TRIP11: variants seen among roughly 807,000 people sequenced by gnomAD.
The protein encoded by TRIP11 is thyroid receptor-interacting protein 11.
A neutral mutation model predicts 223.1 loss-of-function variants in TRIP11; 148 were observed. The ratio of observed to expected loss-of-function variants is 0.66; its 90% CI spans 0.58 to 0.76. TRIP11 has a LOEUF of 0.76. TRIP11 is among the 30% of genes least tolerant of loss of function. The pLI is 0.00. For missense variants in TRIP11, 2,043 were observed against 2,222.0 expected (o/e 0.92, Z 1.62); for synonymous variants, 762 against 772.6 (o/e 0.99, Z 0.23).
rs4530066 is a variant in TRIP11, at chr14:92,014,167, A to C, written c.1186+48T>G. The C allele has an allele frequency of 9.9e-3, 15,954 of 1,612,084 alleles. 748 individuals carry two copies. The African/African-American group carries it at 0.12, about 12-fold the overall frequency. On this transcript the variant is annotated intron_variant, in intron 7 of 20. Transcript: ENST00000267622. The stretch of plus-strand genomic sequence containing the variant: ...GAAGCATCTGTCTCTAAAAACAACT[A>C]CTATGCAATGAAACAGCAATCTGAA...
At chr14:91,981,272 T>A (rs942990889) in intron 16 of TRIP11, among the ~76,000 whole-genome samples, 6 of 151,424 alleles carry the variant, frequency 4.0e-5, no homozygotes, top group Non-Finnish European at 5.9e-5. Flanking sequence ...CACCTCAGCC[T>A]CCCAAAGTGC....
rs541929543 is a variant in TRIP11, at chr14:91,969,629, A to G, written c.*44T>C. 1.3e-6 allele frequency: 2 copies of G among 1,592,486 alleles called. No homozygotes were observed. Among genetic ancestry groups the G allele is most frequent in the African/African-American group, 2.7e-5 (2 of 74,610 alleles). ...GATAAAGTACATACATATAGTGTTCATGGTTTCTTTAAAGTGCTAGATTGT... is the reference window on the plus strand; with the variant it reads ...GATAAAGTACATACATATAGTGTTCGTGGTTTCTTTAAAGTGCTAGATTGT... On this transcript the variant is annotated 3_prime_UTR_variant, in exon 21 of 21. Transcript: ENST00000267622.
At chr14:92,008,622 G>A (rs995250622) in intron 9 of TRIP11, among the ~76,000 whole-genome samples, 2 of 152,168 alleles carry the variant, frequency 1.3e-5, no homozygotes, top group East Asian at 3.8e-4. Context: ...CTCTAGTTAT[G>A]ATGTTTGTAA....
rs1443972357 is a variant in TRIP11, at chr14:92,004,253, C to G, written c.3723G>C (p.Gln1241His). The change falls in exon 11 of 21, where the codon CAG becomes CAC. Residue 1241 changes from glutamine (Q) to histidine (H), a missense_variant. Gln to His is a conservative substitution (Grantham distance 24). Transcript: ENST00000267622. Reference protein sequence around the residue: ...TVQNMQHESAQLQEELHQLQA... With the variant: ...TVQNMQHESAHLQEELHQLQA... ...GAAGTTGGTGAAGCTCTTCCTGAAG[C>G]TGGGCTGACTCGTGTTGCATATTTT... The G allele has an allele frequency of 6.2e-7, 1 of 1,614,126 alleles. No homozygotes were observed.
rs564098716 is a variant in TRIP11, at chr14:91,981,012, ATTTTTTTT to A, written c.5261-4831_5261-4824del. Among the ~76,000 whole-genome samples the A allele has an allele frequency of 1.4e-3, 72 of 49,932 alleles. 1 individual carries two copies. Among genetic ancestry groups the A allele is most frequent in the African/African-American group, 3.8e-3 (56 of 14,914 alleles). 32.8% of individuals were successfully genotyped at this position (49,932 alleles called of 152,430 possible). On this transcript the variant is annotated intron_variant, in intron 16 of 20. Coordinates refer to ENST00000267622, the MANE Select transcript of TRIP11 (RefSeq NM_004239.4). ...ATATTATATATATATATATATATAT[ATTTTTTTT>A]TTTTTTTTTTTTTTTTGAGACAGAG...
At chr14:92,010,933 G>A in intron 9 of TRIP11, 53 bp downstream of exon 9, 2 of 1,532,436 alleles carry the variant, frequency 1.3e-6, no homozygotes, top group Non-Finnish European at 1.8e-6. Flanking sequence ...GCCCTTGGCT[G>A]TGACCTGTTA....
At chr14:92,011,114 T>A in intron 8 of TRIP11, 42 bp from the exon 9 acceptor site, 1 of 1,583,068 alleles carries the variant, frequency 6.3e-7, no homozygotes, top group Middle Eastern at 1.7e-4. Flanking sequence ...AACAAGAAAT[T>A]TCCAGTTTAT....
At chr14:92,025,976 T>C (rs1318158676) in intron 2 of TRIP11, among the ~76,000 whole-genome samples, 4 of 152,226 alleles carry the variant, frequency 2.6e-5, no homozygotes. Context: ...TCAGATTGAT[T>C]TTCTGCTAAG....
intron 1 of TRIP11, among the ~76,000 whole-genome samples, chr14:92,036,223 C>T (rs766359970): frequency 6.6e-6 from 1 of 152,170 alleles, no homozygotes; most frequent in Non-Finnish European, 1.5e-5. Context: ...ATGCAAACTC[C>T]ACACCTCCCC....
At chr14:92,014,074 A>T (rs1736971084) in intron 7 of TRIP11, 141 bp downstream of exon 7, 8 of 1,234,980 alleles carry the variant, frequency 6.5e-6, no homozygotes, top group African/African-American at 6.0e-5. Context: ...TCCAAACCAC[A>T]CAATTCTACC....
intron 16 of TRIP11, among the ~76,000 whole-genome samples, chr14:91,981,978 T>G (rs2056551409): frequency 6.6e-6 from 1 of 151,978 alleles, no homozygotes; most frequent in Non-Finnish European, 1.5e-5. Context: ...TCCTGCCTCT[T>G]AAAAATAAAA....
At chr14:92,034,128 A>G (rs909171067) in intron 1 of TRIP11, among the ~76,000 whole-genome samples, 2 of 152,170 alleles carry the variant, frequency 1.3e-5, no homozygotes, top group African/African-American at 4.8e-5. Flanking sequence ...ATGAGGCTAG[A>G]AAGGGAGCTG....
chr14:91,976,786 CT>C (rs548709192), intron 16 of TRIP11, among the ~76,000 whole-genome samples: 89 of 152,098 alleles, frequency 5.9e-4, no homozygotes, highest in African/African-American at 2.1e-3. Flanking sequence ...GATGCCTGGA[CT>C]ATTTTATTTT....
chr14:91,999,951 T>C lies in TRIP11; in HGVS notation c.4698+17A>G. The C allele has an allele frequency of 6.2e-7, 1 of 1,613,752 alleles. No homozygotes were observed. The highest frequency in any genetic ancestry group is 8.5e-7 in the Non-Finnish European group (1 of 1,179,764). ...ACTTATTGTTTGATTCATAATTCTT[T>C]TAAAGTGAAAGTATACCTCATTCTG... is the stretch of plus-strand genomic sequence containing the variant. On this transcript the variant is annotated intron_variant, in intron 12 of 20. Transcript: ENST00000267622.
chr14:91,980,916 A>G (rs1313000719), intron 16 of TRIP11, among the ~76,000 whole-genome samples: 1 of 150,176 alleles, frequency 6.7e-6, no homozygotes, highest in Non-Finnish European at 1.5e-5. Flanking sequence ...AGCAAAAGCT[A>G]GAAATTAGAT....
Position 92,037,924 on chromosome 14 carries a change from C to T in TRIP11, c.139+1623G>A, listed in dbSNP as rs2235978. ...CTGTAACAGGGTCAAGAAATTTTTA[C>T]GCAGGTTTGTTTTTAGAAAGTAACT... On this transcript the variant is annotated intron_variant, in intron 1 of 20. Transcript: ENST00000267622. The surrounding 1 kb of genome is among the most constrained non-coding windows in gnomAD (Gnocchi z 4.2). 1.3e-5 allele frequency among the ~76,000 whole-genome samples: 2 copies of T among 151,922 alleles called. No individual in the cohort carries two copies. The highest frequency in any genetic ancestry group is 2.1e-4 in the South Asian group (1 of 4,828).
rs770551258 is a variant in TRIP11, at chr14:92,003,811, C to T, written c.4165G>A (p.Glu1389Lys). The T allele has an allele frequency of 7.4e-6, 12 of 1,613,916 alleles. No individual in the cohort carries two copies. The highest frequency in any genetic ancestry group is 6.7e-5 in the African/African-American group (5 of 74,884). ...TGCTTGATTTCTGAATCGGTTTGTTCGTGTTCTTTTCTTTCTAGCTCTGAG... is the reference window on the plus strand; with the variant it reads ...TGCTTGATTTCTGAATCGGTTTGTTTGTGTTCTTTTCTTTCTAGCTCTGAG... ...ATSELERKEH[E>K]QTDSEIKQLK... Residue 1389 changes from glutamate to lysine, a missense_variant, in exon 11 of 21, where the codon GAA becomes AAA. Glu to Lys is a moderately conservative substitution (Grantham distance 56, BLOSUM62 1). Transcript: ENST00000267622.
At chr14:91,979,980 TA>T (rs774566161) in intron 16 of TRIP11, among the ~76,000 whole-genome samples, 2,223 of 140,042 alleles carry the variant, frequency 0.016, 14 homozygotes, top group Middle Eastern at 0.022. Flanking sequence ...TTTTGGAAGT[TA>T]AAAAAAAAAA....
intron 2 of TRIP11, among the ~76,000 whole-genome samples, chr14:92,029,284 T>TA (rs1283629984): frequency 5.4e-5 from 1 of 18,364 alleles, no homozygotes; most frequent in African/African-American, 2.2e-4. Context: ...AGTATTATTT[T>TA]TTTTTTTTTT....
Sources: gnomAD v4.1 joint callset for allele counts (sites outside exome capture counted in the v4.1 genomes callset) on GRCh38, gnomAD v4.1.1 for gene constraint, Gnocchi (gnomAD v3.1) non-coding constraint, MANE v1.5 for transcripts, NCBI Gene and HGNC (gene_info 2026-07-23, HGNC 2026-07-21) for gene names.